MGAT4C: variants seen among roughly 807,000 people sequenced by gnomAD.
The protein encoded by MGAT4C is alpha-1,3-mannosyl-glycoprotein 4-beta-N-acetylglucosaminyltransferase C.
In MGAT4C, 19 loss-of-function variants were observed where a neutral mutation model predicts 40.1. The ratio of observed to expected loss-of-function variants is 0.47; its 90% CI spans 0.33 to 0.70. MGAT4C has a LOEUF of 0.70. MGAT4C is among the 30% of genes least tolerant of loss of function. MGAT4C has a pLI of 0.02. For missense variants in MGAT4C, 491 were observed against 563.2 expected (o/e 0.87, Z 1.30); for synonymous variants, 181 against 187.1 (o/e 0.97, Z 0.27).
At chr12:86,630,402 A>T (rs1962990905) in intron 2 of MGAT4C, among the ~76,000 whole-genome samples, 1 of 152,250 alleles carries the variant, frequency 6.6e-6, no homozygotes, top group South Asian at 2.1e-4. Flanking sequence ...AACTCATTTG[A>T]TGAGGCCAGT....
chr12:86,083,745 G>C (rs1280137337), intron 1 of MGAT4C, among the ~76,000 whole-genome samples: 1 of 152,028 alleles, frequency 6.6e-6, no homozygotes, highest in Non-Finnish European at 1.5e-5. Flanking sequence ...CTACATGGCT[G>C]TCTCATTATC....
intron 1 of MGAT4C, among the ~76,000 whole-genome samples, chr12:86,836,660 T>A (rs1953042903): frequency 6.6e-6 from 1 of 151,884 alleles, no homozygotes; most frequent in African/African-American, 2.4e-5. Flanking sequence ...TAATAAGAGG[T>A]CAGATATATA....
At chr12:85,998,518 C>G (rs927952006) in intron 2 of MGAT4C, among the ~76,000 whole-genome samples, 4 of 152,178 alleles carry the variant, frequency 2.6e-5, no homozygotes, top group African/African-American at 9.7e-5. Flanking sequence ...ATGCCTTTAA[C>G]AGCACACAAG....
intron 2 of MGAT4C, among the ~76,000 whole-genome samples, chr12:85,993,957 G>A (rs1478748474): frequency 6.6e-6 from 1 of 150,960 alleles, no homozygotes; most frequent in African/African-American, 2.4e-5. Flanking sequence ...TCCTTCCAGG[G>A]TCCTCAAGGG....
rs540076375 is a variant in MGAT4C, at chr12:86,371,829, A to C, written c.-119-37702T>G. Among the ~76,000 whole-genome samples the C allele has an allele frequency of 2.7e-4, 41 of 152,152 alleles. No individual in the cohort carries two copies. In the South Asian group the frequency reaches 7.7e-3, roughly 28 times the overall value. On this transcript the variant is annotated intron_variant, in intron 3 of 7. Coordinates refer to the MGAT4C transcript ENST00000548651. ...TATGAAATACATTTTAAAGTAAATTAAATAAAAATAAATCAACTCAGAGTT... is the reference window on the plus strand; with the variant it reads ...TATGAAATACATTTTAAAGTAAATTCAATAAAAATAAATCAACTCAGAGTT...
chr12:86,419,487 A>G (rs1956781918), intron 3 of MGAT4C, among the ~76,000 whole-genome samples: 1 of 151,930 alleles, frequency 6.6e-6, no homozygotes, highest in African/African-American at 2.4e-5. Context: ...TAACATTACC[A>G]GTTTTGCAAC....
intron 1 of MGAT4C, among the ~76,000 whole-genome samples, chr12:86,766,597 C>A (rs4842823): frequency 0.73 from 107,483 of 147,562 alleles, 40,958 homozygotes; most frequent in South Asian, 0.85. Context: ...ACCTATTCCA[C>A]AATTGACCAC....
At chr12:86,441,401 G>A (rs1438230734) in intron 2 of MGAT4C, among the ~76,000 whole-genome samples, 1 of 151,426 alleles carries the variant, frequency 6.6e-6, no homozygotes, top group Non-Finnish European at 1.5e-5. Context: ...ACAACGTGCA[G>A]GTTTGTTACA....
intron 3 of MGAT4C, among the ~76,000 whole-genome samples, chr12:86,335,643 C>T (rs1266374779): frequency 2.0e-5 from 3 of 152,108 alleles, no homozygotes; most frequent in Admixed American, 6.6e-5. Context: ...AGAGGCAAAA[C>T]TCTTTATCTG....
chr12:86,132,795 A>G (rs1881414874), intron 1 of MGAT4C, among the ~76,000 whole-genome samples: 2 of 148,826 alleles, frequency 1.3e-5, no homozygotes, highest in Non-Finnish European at 3.0e-5. Context: ...CCGTCTCAAA[A>G]AAAAAAAAAA....
At position 86,468,870 on chromosome 12, in the gene MGAT4C, G is replaced by A. The variant is rs182002170; in HGVS notation, c.-228-33605C>T. On this transcript the variant is annotated intron_variant, in intron 2 of 7. Transcript: ENST00000548651. ...TCTTATATTCCCAATGAACACTGTT[G>A]TAAATTACATTTTTAACACCACAAC... 2.9e-3 allele frequency among the ~76,000 whole-genome samples: 446 copies of A among 152,160 alleles called. 1 individual carries two copies. Among genetic ancestry groups the A allele is most frequent in the Non-Finnish European group, 4.8e-3 (328 of 68,000 alleles).
At chr12:86,155,586 T>C (rs1884833999) in intron 1 of MGAT4C, among the ~76,000 whole-genome samples, 2 of 152,346 alleles carry the variant, frequency 1.3e-5, no homozygotes, top group South Asian at 4.1e-4. Context: ...CATTATTTAC[T>C]GATATGCAAA....
chr12:86,205,878 C>G (rs1406092086), intron 1 of MGAT4C, among the ~76,000 whole-genome samples: 1 of 151,762 alleles, frequency 6.6e-6, no homozygotes, highest in African/African-American at 2.4e-5. Flanking sequence ...ATTTCAGTTT[C>G]TGACATTTGT....
Position 85,971,991 on chromosome 12 carries a change from A to C in MGAT4C, c.*7298T>G, listed in dbSNP as rs2136660169. 6.6e-6 allele frequency: 1 copy of C among 151,306 alleles called. No homozygotes were observed. The highest frequency in any genetic ancestry group is 1.5e-5 in the Non-Finnish European group (1 of 67,300). 9.4% of individuals were successfully genotyped at this position (151,306 alleles called of 1,614,324 possible). A position where few individuals can be genotyped will look rare whatever the true frequency, so the allele number is the denominator to read the frequency against. ...TATTTACCATTGACTACAGTAACTCAGCAGAAAGTTAGAGGGCAGCATACA... is the reference window on the plus strand; with the variant it reads ...TATTTACCATTGACTACAGTAACTCCGCAGAAAGTTAGAGGGCAGCATACA... On this transcript the variant is annotated 3_prime_UTR_variant, in exon 5 of 5. Coordinates refer to ENST00000611864, the MANE Select transcript of MGAT4C (RefSeq NM_001351288.2).
chr12:86,633,832 G>T (rs1963135185), intron 2 of MGAT4C, among the ~76,000 whole-genome samples: 1 of 152,020 alleles, frequency 6.6e-6, no homozygotes, highest in Non-Finnish European at 1.5e-5. Context: ...GAAACTCAGG[G>T]ATGAAATGAG....
chr12:86,690,842 C>G (rs978823457), intron 2 of MGAT4C, among the ~76,000 whole-genome samples: 3 of 152,074 alleles, frequency 2.0e-5, no homozygotes, highest in Non-Finnish European at 4.4e-5. Context: ...TTTAATGGTC[C>G]GTCATCTTAT....
At chr12:86,738,992 G>A (rs1403895771) in intron 1 of MGAT4C, among the ~76,000 whole-genome samples, 1 of 150,654 alleles carries the variant, frequency 6.6e-6, no homozygotes, top group Non-Finnish European at 1.5e-5. Flanking sequence ...GATTTTTGGT[G>A]TAGTAAGCAT....
intron 1 of MGAT4C, among the ~76,000 whole-genome samples, chr12:86,091,899 A>G (rs1018864781): frequency 1.3e-5 from 2 of 152,088 alleles, no homozygotes; most frequent in African/African-American, 2.4e-5. Context: ...CCTTTATCTA[A>G]TAACAGTTCC....
chr12:86,486,376 GCACACACACACACACACACA>G (rs59222713), intron 2 of MGAT4C, among the ~76,000 whole-genome samples: 3 of 139,986 alleles, frequency 2.1e-5, no homozygotes. Flanking sequence ...GATCTATCAT[GCACACACACACACACACACA>G]CACACACACA....
Sources: gnomAD v4.1 joint callset for allele counts (sites outside exome capture counted in the v4.1 genomes callset) on GRCh38, gnomAD v4.1.1 for gene constraint, MANE v1.5 for transcripts, NCBI Gene and HGNC (gene_info 2026-07-23, HGNC 2026-07-21) for gene names.